SOD2: variants seen among roughly 807,000 people sequenced by gnomAD.
The protein encoded by SOD2 is superoxide dismutase 2.
A neutral mutation model predicts 27.0 loss-of-function variants in SOD2; 11 were observed. The ratio of observed to expected loss-of-function variants is 0.41; its 90% confidence interval spans 0.26 to 0.67. The LOEUF (loss-of-function observed/expected upper bound fraction) is 0.67, where lower values mean the gene tolerates loss of function less well. SOD2 is among the 30% of genes least tolerant of loss of function. SOD2 has a pLI of 0.34. For missense variants in SOD2, 250 were observed against 274.5 expected, an observed-to-expected ratio of 0.91 and a Z score of 0.63; for synonymous variants, 105 against 103.0, an observed-to-expected ratio of 1.02 and a Z score of -0.12.
At chr6:159,718,146 CCAT>C (rs1777959172) in intron 1 of SOD2, among the ~76,000 whole-genome samples, 1 of 152,094 alleles carries the variant, frequency 6.6e-6, no homozygotes, top group Non-Finnish European at 1.5e-5. Context: ...GCGCACACCA[CCAT>C]GCCTGGCTAA....
intron 1 of SOD2, among the ~76,000 whole-genome samples, chr6:159,721,108 C>T (rs543256753): frequency 5.3e-4 from 81 of 151,412 alleles, no homozygotes; most frequent in African/African-American, 1.9e-3. Context: ...CGCTCTGTCA[C>T]CCAGGCTGGA....
At chr6:159,727,412 G>A, upstream of SOD2, 3 of 765,792 alleles carry the variant, frequency 3.9e-6, no homozygotes, top group Admixed American at 5.5e-5. Flanking sequence ...AGGCAGTGGC[G>A]CTGGCCTGCG....
chr6:159,717,781 T>A (rs1777947429), intron 1 of SOD2, among the ~76,000 whole-genome samples: 1 of 152,106 alleles, frequency 6.6e-6, no homozygotes, highest in South Asian at 2.1e-4. Flanking sequence ...TCAACTTTTT[T>A]AGCTTTCACC....
chr6:159,748,415 C>T (rs374361321), upstream of SOD2: 1 of 1,603,460 alleles, frequency 6.2e-7, no homozygotes, highest in South Asian at 1.1e-5. This position sits in a 1 kb window ranked among gnomAD's most constrained non-coding sequence, Gnocchi z 5.6. Context: ...GACAGTCCCA[C>T]TACGAGAAAG....
intron 1 of SOD2, among the ~76,000 whole-genome samples, chr6:159,716,321 T>C (rs928183476): frequency 1.3e-5 from 2 of 152,212 alleles, no homozygotes; most frequent in African/African-American, 4.8e-5. Context: ...ACCCAGGGAC[T>C]TTCCATTCTT....
intron 4 of SOD2, among the ~76,000 whole-genome samples, chr6:159,683,027 C>T (rs563662048): frequency 1.4e-4 from 21 of 152,308 alleles, no homozygotes; most frequent in African/African-American, 5.1e-4. Flanking sequence ...TGAGAACCTC[C>T]TCCAAAGGGT....
chr6:159,758,842 CCTG>C (rs1780066720), intron 1 of SOD2, among the ~76,000 whole-genome samples: 2 of 152,224 alleles, frequency 1.3e-5, no homozygotes, highest in South Asian at 4.1e-4. Context: ...GGCTTGGACT[CCTG>C]CAACTCTTTA....
chr6:159,712,138 TAACCACCACTCAGC>T, intron 1 of SOD2, among the ~76,000 whole-genome samples: 1 of 48,340 alleles, frequency 2.1e-5, no homozygotes, highest in Non-Finnish European at 5.3e-5. Flanking sequence ...ACCACCTCCA[TAACCACCACTCAGC>T]TGCTCTGACC....
chr6:159,731,936 A>T (rs1778596145), upstream of SOD2, among the ~76,000 whole-genome samples: 1 of 152,028 alleles, frequency 6.6e-6, no homozygotes, highest in Non-Finnish European at 1.5e-5. Flanking sequence ...TGTTAATTTT[A>T]TTTTAGTGGA....
chr6:159,759,893 G>C (rs757107056), intron 1 of SOD2, among the ~76,000 whole-genome samples: 12 of 152,196 alleles, frequency 7.9e-5, no homozygotes, highest in Non-Finnish European at 1.6e-4. Flanking sequence ...CTTGGCTCCA[G>C]AAGAATATAT....
At chr6:159,726,868 A>T in intron 1 of SOD2, 1 of 1,289,224 alleles carries the variant, frequency 7.8e-7, no homozygotes, top group South Asian at 1.2e-5. Context: ...GCTTCTGCTA[A>T]GAGTAAACGC....
chr6:159,725,387 G>C (rs1332711051), intron 1 of SOD2, among the ~76,000 whole-genome samples: 2 of 150,916 alleles, frequency 1.3e-5, no homozygotes, highest in Admixed American at 6.6e-5. Context: ...AGGCTGAGCT[G>C]AGAGAATCGC....
intron 1 of SOD2, chr6:159,753,631 T>C (rs755311698): frequency 1.3e-4 from 210 of 1,587,954 alleles, no homozygotes; most frequent in Non-Finnish European, 1.7e-4. Flanking sequence ...GGTTTGTTTC[T>C]TTTTGGAACG....
intron 1 of SOD2, among the ~76,000 whole-genome samples, chr6:159,705,049 C>T (rs1231211182): frequency 1.3e-5 from 2 of 152,214 alleles, no homozygotes; most frequent in African/African-American, 4.8e-5. Context: ...CTCCAACAGA[C>T]CTGCAGCTGA....
chr6:159,730,763 A>G (rs1215035436), upstream of SOD2: 1 of 152,232 alleles, frequency 6.6e-6, no homozygotes, highest in Non-Finnish European at 1.5e-5. Context: ...CTGAGAGTTG[A>G]CTTAGGAAGT....
chr6:159,698,927 T>C (rs191261189), intron 1 of SOD2, among the ~76,000 whole-genome samples: 2 of 109,752 alleles, frequency 1.8e-5, no homozygotes, highest in East Asian at 6.5e-4. Flanking sequence ...TTGATCTTGC[T>C]GTCTGGGGGG....
intron 1 of SOD2, among the ~76,000 whole-genome samples, chr6:159,698,571 CAA>C (rs66652436): frequency 5.7e-4 from 55 of 95,684 alleles, no homozygotes; most frequent in African/African-American, 2.5e-3. Flanking sequence ...GACCTTGTCT[CAA>C]AAAAAAAAAA....
chr6:159,691,305 G>A (rs1777179113), intron 2 of SOD2: 1 of 152,144 alleles, frequency 6.6e-6, no homozygotes, highest in Non-Finnish European at 1.5e-5. Context: ...AAATCACGGG[G>A]CCTTTTCCCG....
upstream of SOD2, among the ~76,000 whole-genome samples, chr6:159,730,381 T>C (rs1324764645): frequency 6.6e-6 from 1 of 152,222 alleles, no homozygotes; most frequent in Non-Finnish European, 1.5e-5. Context: ...ACCTAGAATA[T>C]TCATTGCCTT....
Sources: gnomAD v4.1 joint callset for allele counts (sites outside exome capture counted in the v4.1 genomes callset) on GRCh38, gnomAD v4.1.1 for gene constraint, Gnocchi (gnomAD v3.1) non-coding constraint, MANE v1.5 for transcripts, NCBI Gene and HGNC (gene_info 2026-07-23, HGNC 2026-07-21) for gene names.